Variants in ZDHHC7 observed in about 807,000 individuals in gnomAD.
The protein encoded by ZDHHC7 is zDHHC palmitoyltransferase 7.
In ZDHHC7, 12 loss-of-function variants were observed where a neutral mutation model predicts 34.1. The ratio of observed to expected loss-of-function variants is 0.35; its 90% CI spans 0.23 to 0.57. ZDHHC7 has a LOEUF of 0.57. Among genes scored for constraint, ZDHHC7 ranks in the 20% least tolerant of loss-of-function variants. The probability of loss-of-function intolerance (pLI) is 0.84; values close to 1 mark genes in which losing one functional copy is unlikely to be tolerated. For missense variants in ZDHHC7, 388 were observed against 402.7 expected, an observed-to-expected ratio of 0.96 and a Z score of 0.31; for synonymous variants, 185 against 155.4, an observed-to-expected ratio of 1.19 and a Z score of -1.42.
chr16:85,018,034 T>C, the ZDHHC7 span, among the ~76,000 whole-genome samples: 92 of 152,222 alleles, frequency 6.0e-4, no homozygotes, highest in African/African-American at 2.2e-3. Flanking sequence ...GTTTAGGATA[T>C]TAATGAGTGT....
At position 84,993,034 on chromosome 16, in the gene ZDHHC7, C is replaced by G. The variant is rs541407253; in HGVS notation, c.-17-2399G>C. On this transcript the variant is annotated intron_variant, in intron 2 of 7. Coordinates refer to ENST00000313732, the MANE Select transcript of ZDHHC7 (RefSeq NM_017740.3). Reference sequence around the variant, plus strand: ...CTATTTTTCAATCAGATAAAAGCAGCTTTAAAAAATGTTTAAGGCTGGGTG... The same window carrying G: ...CTATTTTTCAATCAGATAAAAGCAGGTTTAAAAAATGTTTAAGGCTGGGTG... Among the ~76,000 whole-genome samples the G allele has an allele frequency of 2.6e-5, 4 of 152,272 alleles. No homozygotes were observed. In the South Asian group the frequency reaches 8.3e-4, roughly 32 times the overall value.
Position 84,976,304 on chromosome 16 carries a change from G to A in ZDHHC7, c.*39C>T. On this transcript the variant is annotated 3_prime_UTR_variant, in exon 8 of 8. Coordinates refer to ENST00000313732, the MANE Select transcript of ZDHHC7 (RefSeq NM_017740.3). ...TCCTTCAGACCCCAAATAAATAACT[G>A]GAAGTCTGTGAGCAAGTTTCAGTCT... 3.1e-6 allele frequency: 5 copies of A among 1,607,978 alleles called. No homozygotes were observed. The highest frequency in any genetic ancestry group is 4.2e-6 in the Non-Finnish European group (5 of 1,178,428).
chr16:84,991,215 T>C (rs2072505194), intron 2 of ZDHHC7, among the ~76,000 whole-genome samples: 1 of 152,254 alleles, frequency 6.6e-6, no homozygotes. Context: ...TGTGATGTTT[T>C]TGGAGCAGAC....
At position 84,976,147 on chromosome 16, in the gene ZDHHC7, G is replaced by T. The variant is rs2072293835; in HGVS notation, c.*196C>A. 4 of 681,058 alleles carry T rather than the reference G, an allele frequency of 5.9e-6. No homozygotes were observed. The East Asian group carries it at 1.2e-4, about 20-fold the overall frequency. The allele number at this position is 681,058 out of a possible 1,614,324, so 42.2% of individuals were successfully genotyped here. A position where few individuals can be genotyped will look rare whatever the true frequency, so the allele number is the denominator to read the frequency against. On this transcript the variant is annotated 3_prime_UTR_variant, in exon 8 of 8. Coordinates refer to ENST00000313732, the MANE Select transcript of ZDHHC7 (RefSeq NM_017740.3). ...TCGTGTGGCCACACACCTTTCCGTTGTTGTACAGGTGGGGACTGAGAGCCT... is the reference window on the plus strand; with the variant it reads ...TCGTGTGGCCACACACCTTTCCGTTTTTGTACAGGTGGGGACTGAGAGCCT...
chr16:84,985,565 A>G (rs2072425584), intron 3 of ZDHHC7, among the ~76,000 whole-genome samples: 1 of 152,266 alleles, frequency 6.6e-6, no homozygotes, highest in Non-Finnish European at 1.5e-5. Context: ...TGCAGGGACC[A>G]GAGAGATTAA....
At chr16:84,985,827 T>C (rs1246941806) in intron 3 of ZDHHC7, among the ~76,000 whole-genome samples, 2 of 151,808 alleles carry the variant, frequency 1.3e-5, no homozygotes, top group Non-Finnish European at 2.9e-5. Context: ...TGGTGGCACA[T>C]GCCTGTAATC....
At chr16:85,003,149 G>A (rs1022545428) in intron 1 of ZDHHC7, among the ~76,000 whole-genome samples, 4 of 152,164 alleles carry the variant, frequency 2.6e-5, no homozygotes, top group Non-Finnish European at 5.9e-5. Context: ...CAGGGGGCAG[G>A]AGGAGAGGCC....
chr16:85,001,244 G>A (rs2072648745), intron 1 of ZDHHC7, among the ~76,000 whole-genome samples: 2 of 152,228 alleles, frequency 1.3e-5, no homozygotes, highest in Middle Eastern at 3.4e-3. Context: ...GCCAAGGTGG[G>A]TGGATCACTT....
chr16:84,986,951 A>T (rs772079013), intron 3 of ZDHHC7, among the ~76,000 whole-genome samples: 3 of 152,072 alleles, frequency 2.0e-5, no homozygotes, highest in Non-Finnish European at 2.9e-5. Context: ...GTGACACCTG[A>T]CCCTGCTGGG....
chr16:84,982,609 T>C (rs919156390), intron 3 of ZDHHC7, among the ~76,000 whole-genome samples: 1 of 151,972 alleles, frequency 6.6e-6, no homozygotes, highest in African/African-American at 2.4e-5. Context: ...CAAAACAATC[T>C]CAAAAAGGAC....
At chr16:84,987,960 G>C (rs1224023812) in intron 3 of ZDHHC7, among the ~76,000 whole-genome samples, 1 of 152,204 alleles carries the variant, frequency 6.6e-6, no homozygotes, top group Non-Finnish European at 1.5e-5. Context: ...ATAAGGTCAG[G>C]AGATCGAGAC....
intron 3 of ZDHHC7, among the ~76,000 whole-genome samples, chr16:84,986,753 G>T (rs1377813702): frequency 1.3e-5 from 2 of 152,198 alleles, no homozygotes; most frequent in Non-Finnish European, 2.9e-5. Flanking sequence ...GGCAATCCCA[G>T]CGAGGACTGC....
the ZDHHC7 span, among the ~76,000 whole-genome samples, chr16:85,021,545 C>G: frequency 2.0e-5 from 3 of 151,592 alleles, no homozygotes; most frequent in African/African-American, 7.3e-5. Context: ...CTTGTCTCTA[C>G]TAAAGAAAAA....
At chr16:85,010,967 G>T (rs934833697) in intron 1 of ZDHHC7, among the ~76,000 whole-genome samples, 1 of 152,262 alleles carries the variant, frequency 6.6e-6, no homozygotes, top group Non-Finnish European at 1.5e-5. Flanking sequence ...TAGCTGCTCT[G>T]TAACCACCAC....
the ZDHHC7 span, among the ~76,000 whole-genome samples, chr16:85,025,512 G>A: frequency 2.6e-5 from 4 of 152,018 alleles, no homozygotes; most frequent in African/African-American, 7.2e-5. Context: ...AGGTTCAAGC[G>A]ATTCTCCTGT....
the ZDHHC7 span, among the ~76,000 whole-genome samples, chr16:85,017,837 C>T: frequency 0.16 from 24,574 of 152,092 alleles, 2,454 homozygotes; most frequent in Admixed American, 0.28. Flanking sequence ...CAAGGGAATG[C>T]GGGCGGACTC....
chr16:85,017,341 C>G, the ZDHHC7 span, among the ~76,000 whole-genome samples: 33 of 152,202 alleles, frequency 2.2e-4, no homozygotes, highest in African/African-American at 7.2e-4. Context: ...ACTAGAATGG[C>G]TAGAATGAAA....
chr16:85,007,374 G>A (rs1480795347), intron 1 of ZDHHC7, among the ~76,000 whole-genome samples: 1 of 141,576 alleles, frequency 7.1e-6, no homozygotes, highest in Non-Finnish European at 1.5e-5. Context: ...AGTGAGCCGA[G>A]ACCACGCCAC....
chr16:85,019,898 C>T, the ZDHHC7 span, among the ~76,000 whole-genome samples: 19 of 152,154 alleles, frequency 1.2e-4, no homozygotes, highest in Non-Finnish European at 5.9e-5. Context: ...CCAAATGTGC[C>T]TTGAACTTCT....
Sources: gnomAD v4.1 joint callset for allele counts (sites outside exome capture counted in the v4.1 genomes callset) on GRCh38, gnomAD v4.1.1 for gene constraint, MANE v1.5 for transcripts, NCBI Gene and HGNC (gene_info 2026-07-23, HGNC 2026-07-21) for gene names.